The following HMG20A variants were observed in gnomAD, a reference collection of about 807,000 sequenced individuals.
The protein encoded by HMG20A is high mobility group protein 20A.
HMG20A carries 17 observed loss-of-function variants against 43.9 expected under a neutral mutation model. That is an observed-to-expected ratio of 0.39 (90% CI 0.27 to 0.58). HMG20A has a LOEUF of 0.58. Ranked by LOEUF, HMG20A falls within the 20% of genes least tolerant of loss-of-function variation. HMG20A has a pLI of 0.59. For missense variants in HMG20A, 341 were observed against 438.2 expected (o/e 0.78, Z 1.98); for synonymous variants, 132 against 147.5 (o/e 0.89, Z 0.76).
intron 1 of HMG20A, among the ~76,000 whole-genome samples, chr15:77,435,846 A>G (rs1176760775): frequency 6.6e-6 from 1 of 150,454 alleles, no homozygotes; most frequent in East Asian, 1.9e-4. Flanking sequence ...AGATAGTCTG[A>G]CACCACGCAT....
rs764954436 is a variant in HMG20A, at chr15:77,464,291, C to T, written c.141C>T (p.Asn47=). The T allele has an allele frequency of 6.2e-7, 1 of 1,613,774 alleles. No homozygotes were observed. Among genetic ancestry groups the T allele is most frequent in the African/African-American group, 1.3e-5 (1 of 74,920 alleles). The change falls in exon 3 of 10, where the codon AAC becomes AAT. Residue 47 remains asparagine, a synonymous_variant. Transcript: ENST00000336216. ...GTAGTGGCGCCACATCATCCACCAA[C>T]AATCCAGAATTTGTGGAGGATCTCT... is the stretch of plus-strand genomic sequence containing the variant. ...PYSSGATSST[N]NPEFVEDLSQ... is the part of the protein sequence containing the mutation.
At chr15:77,465,917 A>C (rs1401461068) in intron 3 of HMG20A, among the ~76,000 whole-genome samples, 2 of 152,192 alleles carry the variant, frequency 1.3e-5, no homozygotes, top group Non-Finnish European at 1.5e-5. Context: ...TTGTAAAATT[A>C]TGAAGTAAAA....
At chr15:77,461,201 G>A (rs2072701850) in intron 2 of HMG20A, among the ~76,000 whole-genome samples, 1 of 152,142 alleles carries the variant, frequency 6.6e-6, no homozygotes, top group Admixed American at 6.5e-5. Flanking sequence ...ACTGGATTTA[G>A]CATGGGTGTC....
At chr15:77,487,815 G>T (rs1274253678), downstream of HMG20A, among the ~76,000 whole-genome samples, 2 of 152,118 alleles carry the variant, frequency 1.3e-5, no homozygotes, top group African/African-American at 4.8e-5. Flanking sequence ...GTTTACCTTT[G>T]ATATATAGCC....
At chr15:77,497,100 G>T in the HMG20A span, among the ~76,000 whole-genome samples, 3 of 152,348 alleles carry the variant, frequency 2.0e-5, no homozygotes, top group Non-Finnish European at 4.4e-5. Flanking sequence ...CGCAAGTGTG[G>T]AAGGGGCCTG....
intron 1 of HMG20A, among the ~76,000 whole-genome samples, chr15:77,450,053 TTCCCTTA>T (rs2073718577): frequency 6.6e-6 from 1 of 152,206 alleles, no homozygotes; most frequent in Non-Finnish European, 1.5e-5. Flanking sequence ...TGGGTTGAGT[TTCCCTTA>T]TCCAAAATGC....
chr15:77,495,420 T>C, the HMG20A span, among the ~76,000 whole-genome samples: 1 of 152,132 alleles, frequency 6.6e-6, no homozygotes, highest in Non-Finnish European at 1.5e-5. Context: ...TGGTGGCACA[T>C]GCCTTGTAGT....
chr15:77,429,239 A>G (rs1307555255), intron 1 of HMG20A, among the ~76,000 whole-genome samples: 1 of 151,782 alleles, frequency 6.6e-6, no homozygotes, highest in Non-Finnish European at 1.5e-5. Flanking sequence ...TTTTTTTGAG[A>G]CGGAGTCTTG....
chr15:77,489,628 T>C (rs1216571041), downstream of HMG20A, among the ~76,000 whole-genome samples: 1 of 152,208 alleles, frequency 6.6e-6, no homozygotes, highest in Non-Finnish European at 1.5e-5. Flanking sequence ...TCTCAGCTAA[T>C]TACCTAGATA....
chr15:77,467,346 T>A, intron 4 of HMG20A, 39 bp downstream of exon 4: 1 of 1,513,914 alleles, frequency 6.6e-7, no homozygotes, highest in Non-Finnish European at 9.2e-7. Flanking sequence ...TTGGTTTTGA[T>A]TATATCTCAG....
intron 9 of HMG20A, among the ~76,000 whole-genome samples, chr15:77,479,769 A>G (rs921695206): frequency 6.6e-6 from 1 of 152,178 alleles, no homozygotes; most frequent in African/African-American, 2.4e-5. Flanking sequence ...AATCATCCCC[A>G]AAACAGCACT....
At chr15:77,490,112 T>C (rs2072964758), downstream of HMG20A, among the ~76,000 whole-genome samples, 1 of 151,956 alleles carries the variant, frequency 6.6e-6, no homozygotes, top group South Asian at 2.1e-4. Flanking sequence ...CATGTTTGTA[T>C]TTTTCTACTA....
At chr15:77,432,052 C>G (rs944880772) in intron 1 of HMG20A, among the ~76,000 whole-genome samples, 12 of 152,320 alleles carry the variant, frequency 7.9e-5, no homozygotes, top group African/African-American at 2.6e-4. Context: ...GAGGCTGATT[C>G]CATATCTTGG....
chr15:77,446,487 T>C (rs1195169234), intron 1 of HMG20A, among the ~76,000 whole-genome samples: 1 of 152,146 alleles, frequency 6.6e-6, no homozygotes, highest in East Asian at 1.9e-4. Context: ...ATACCCTGCA[T>C]GTGAATCACC....
intron 1 of HMG20A, among the ~76,000 whole-genome samples, chr15:77,452,221 T>C (rs1451457331): frequency 2.0e-5 from 3 of 152,236 alleles, no homozygotes; most frequent in Non-Finnish European, 2.9e-5. Flanking sequence ...TTGTATTTGC[T>C]CATCAAATGC....
intron 1 of HMG20A, among the ~76,000 whole-genome samples, chr15:77,453,391 C>T (rs2072622802): frequency 6.6e-6 from 1 of 152,186 alleles, no homozygotes; most frequent in African/African-American, 2.4e-5. Flanking sequence ...TACCACTTCA[C>T]ATCTACTAGG....
intron 9 of HMG20A, among the ~76,000 whole-genome samples, chr15:77,481,670 A>G (rs996250231): frequency 6.6e-6 from 1 of 152,182 alleles, no homozygotes; most frequent in Non-Finnish European, 1.5e-5. Context: ...CCTTGATTTT[A>G]ACCTACAAAT....
At chr15:77,422,480 G>T (rs1161877702) in intron 1 of HMG20A, among the ~76,000 whole-genome samples, 1 of 152,168 alleles carries the variant, frequency 6.6e-6, no homozygotes, top group Non-Finnish European at 1.5e-5. Flanking sequence ...GCTGGGCGTG[G>T]TGGCGTGCGC....
chr15:77,438,784 A>G (rs2073577841), intron 1 of HMG20A, among the ~76,000 whole-genome samples: 1 of 152,048 alleles, frequency 6.6e-6, no homozygotes, highest in Admixed American at 6.5e-5. Context: ...TTCAAGAGAA[A>G]ATGTTTTCAA....
Sources: allele counts gnomAD v4.1 joint callset (sites outside exome capture counted in the v4.1 genomes callset), GRCh38; gene constraint gnomAD v4.1.1; transcripts MANE v1.5; gene names NCBI Gene and HGNC (gene_info 2026-07-23, HGNC 2026-07-21).